SMAD2: variants seen among roughly 807,000 people sequenced by gnomAD.
SMAD2 encodes the protein MAD homolog 2.
Under a neutral mutation model 64.4 loss-of-function variants are expected in SMAD2, and 8 were observed. The ratio of observed to expected loss-of-function variants is 0.12; its 90% CI spans 0.07 to 0.22. The LOEUF is 0.22. Ranked by LOEUF, SMAD2 falls within the 10% of genes least tolerant of loss-of-function variation. The pLI is 1.00. For missense variants in SMAD2, 289 were observed against 561.2 expected (o/e 0.51, Z 4.90); for synonymous variants, 203 against 195.8 (o/e 1.04, Z -0.31).
At chr18:47,882,832 G>C (rs1218919834) in intron 2 of SMAD2, among the ~76,000 whole-genome samples, 1 of 152,174 alleles carries the variant, frequency 6.6e-6, no homozygotes, top group Non-Finnish European at 1.5e-5. Context: ...ATTTCTTCAT[G>C]CATCAGCTGG....
intron 1 of SMAD2, among the ~76,000 whole-genome samples, chr18:47,918,964 A>C (rs538686481): frequency 6.6e-6 from 1 of 152,274 alleles, no homozygotes; most frequent in African/African-American, 2.4e-5. Flanking sequence ...GAAAGATGGG[A>C]GTTTCTAGAT....
At chr18:47,855,210 G>A (rs1324113004) in intron 6 of SMAD2, among the ~76,000 whole-genome samples, 1 of 152,146 alleles carries the variant, frequency 6.6e-6, no homozygotes, top group Non-Finnish European at 1.5e-5. Context: ...ATTACTTGAG[G>A]ACCTGTTGTA....
rs1429218983 is a variant in SMAD2, at chr18:47,819,952, A to C, written c.*21875T>G. The C allele has an allele frequency of 6.6e-6, 1 of 152,154 alleles. No individual in the cohort carries two copies. Among genetic ancestry groups the C allele is most frequent in the Non-Finnish European group, 1.5e-5 (1 of 68,008 alleles). 9.4% of individuals were successfully genotyped at this position (152,154 alleles called of 1,614,324 possible). On this transcript the variant is annotated 3_prime_UTR_variant, in exon 11 of 11. Transcript: ENST00000262160. The stretch of plus-strand genomic sequence containing the variant: ...GGAGTTTGAGGCTGCAGTGTGCTAC[A>C]ATTGTGCCTGTGAACAGCCACTGAA...
intron 5 of SMAD2, among the ~76,000 whole-genome samples, chr18:47,866,503 CAAAGAACATAAA>C (rs569085531): frequency 7.9e-4 from 120 of 151,736 alleles, no homozygotes; most frequent in African/African-American, 1.8e-3. Flanking sequence ...TTCATATACT[CAAAGAACATAAA>C]AATAAGGGTA....
At chr18:47,903,876 T>TG (rs61222491) in intron 1 of SMAD2, among the ~76,000 whole-genome samples, 26,274 of 48,498 alleles carry the variant, frequency 0.54, 7,306 homozygotes, top group East Asian at 0.83. Context: ...AAAAACAGTG[T>TG]GGGGGGGGGG....
chr18:47,850,232 TTATATATTATATATTA>T (rs1216915754), intron 7 of SMAD2, among the ~76,000 whole-genome samples: 1 of 43,492 alleles, frequency 2.3e-5, no homozygotes, highest in Non-Finnish European at 3.9e-5. Context: ...ATAATATATA[TTATATATTATATATTA>T]TATATATTAT....
At position 47,826,903 on chromosome 18, in the gene SMAD2, T is replaced by G. The variant is rs1323610095; in HGVS notation, c.*14924A>C. ...GAATGATCTCTCAAGTGCTCTCATTTAGTTCTCATAACCACCCTAAAAACT... is the reference window on the plus strand; with the variant it reads ...GAATGATCTCTCAAGTGCTCTCATTGAGTTCTCATAACCACCCTAAAAACT... On this transcript the variant is annotated 3_prime_UTR_variant, in exon 11 of 11. Transcript: ENST00000262160. 6.6e-6 allele frequency: 1 copy of G among 152,260 alleles called. No homozygotes were observed. Among genetic ancestry groups the G allele is most frequent in the Non-Finnish European group, 1.5e-5 (1 of 68,052 alleles). The allele number at this position is 152,260 out of a possible 1,614,324, so 9.4% of individuals were successfully genotyped here.
Position 47,829,121 on chromosome 18 carries a change from G to A in SMAD2, c.*12706C>T, listed in dbSNP as rs1912890637. ...AGAAAAAGTTCAGGAGCCACCAGAG[G>A]ATGTTAAGGAGGCTTCCTAGAGAAG... On this transcript the variant is annotated 3_prime_UTR_variant, in exon 11 of 11. Coordinates refer to ENST00000262160, the MANE Select transcript of SMAD2 (RefSeq NM_005901.6). 1 of 152,042 alleles carries A rather than the reference G, an allele frequency of 6.6e-6. No individual in the cohort carries two copies. The highest frequency in any genetic ancestry group is 1.9e-4 in the East Asian group (1 of 5,190). 9.4% of individuals were successfully genotyped at this position (152,042 alleles called of 1,614,324 possible). A position where few individuals can be genotyped will look rare whatever the true frequency, so the allele number is the denominator to read the frequency against.
Position 47,828,301 on chromosome 18 carries a change from C to T in SMAD2, c.*13526G>A, listed in dbSNP as rs562556614. 509 of 153,304 alleles carry T rather than the reference C, an allele frequency of 3.3e-3. 1 individual carries two copies. Among genetic ancestry groups the T allele is most frequent in the Non-Finnish European group, 4.0e-3 (278 of 69,712 alleles). The allele number at this position is 153,304 out of a possible 1,614,324, so 9.5% of individuals were successfully genotyped here. A position where few individuals can be genotyped will look rare whatever the true frequency, so the allele number is the denominator to read the frequency against. On this transcript the variant is annotated 3_prime_UTR_variant, in exon 11 of 11. Transcript: ENST00000262160. ...GCAACCCCCGCCCGGCCAGCTGCCC[C>T]GTTCGGGAGGTGGGGGGCAGCCCCC... is the stretch of plus-strand genomic sequence containing the variant.
At position 47,868,420 on chromosome 18, in the gene SMAD2, G is replaced by A. The variant is rs1240164482; in HGVS notation, c.558C>T (p.Ile186=). 1.9e-6 allele frequency: 3 copies of A among 1,611,564 alleles called. No homozygotes were observed. Among genetic ancestry groups the A allele is most frequent in the African/African-American group, 2.7e-5 (2 of 74,838 alleles). ...PPVLVPRHTE[I]LTELPPLDDY... ...CATCCAGAGGCGGAAGTTCTGTTAG[G>A]ATCTCGGTGTGTCGGGGCACTAATA... Residue 186 remains isoleucine (I), a synonymous_variant, in exon 5 of 11, where the codon ATC becomes ATT. Coordinates refer to ENST00000262160, the MANE Select transcript of SMAD2 (RefSeq NM_005901.6).
At chr18:47,873,952 TAC>T (rs2032103083) in intron 2 of SMAD2, among the ~76,000 whole-genome samples, 1 of 151,868 alleles carries the variant, frequency 6.6e-6, no homozygotes, top group Non-Finnish European at 1.5e-5. Context: ...AGAAGGAAGA[TAC>T]CCTGTAAAGA....
Position 47,819,104 on chromosome 18 carries a change from A to C in SMAD2, c.*22723T>G, listed in dbSNP as rs1211125332. 2 of 152,254 alleles carry C rather than the reference A, an allele frequency of 1.3e-5. No homozygotes were observed. The highest frequency in any genetic ancestry group is 2.9e-5 in the Non-Finnish European group (2 of 68,038). The allele number at this position is 152,254 out of a possible 1,614,324, so 9.4% of individuals were successfully genotyped here. ...ATCAAATAAATGAGTGCTAATACAAAATATATAGTAATTAACACAAGTGCC... is the reference window on the plus strand; with the variant it reads ...ATCAAATAAATGAGTGCTAATACAACATATATAGTAATTAACACAAGTGCC... On this transcript the variant is annotated 3_prime_UTR_variant, in exon 11 of 11. Transcript: ENST00000262160.
At chr18:47,885,472 T>C (rs1361996975) in intron 2 of SMAD2, among the ~76,000 whole-genome samples, 1 of 152,090 alleles carries the variant, frequency 6.6e-6, no homozygotes, top group Non-Finnish European at 1.5e-5. Context: ...CTGGCCAATA[T>C]ATACTGTTTT....
rs374257577 is a variant in SMAD2, at chr18:47,818,121, A to G, written c.*23706T>C. The G allele has an allele frequency of 1.6e-4, 25 of 152,268 alleles. 1 individual carries two copies. In the East Asian group the frequency reaches 4.8e-3, roughly 29 times the overall value. 9.4% of individuals were successfully genotyped at this position (152,268 alleles called of 1,614,324 possible). On this transcript the variant is annotated 3_prime_UTR_variant, in exon 11 of 11. Coordinates refer to ENST00000262160, the MANE Select transcript of SMAD2 (RefSeq NM_005901.6). ...CCAAGAGACTGCAGCTATAGAGTTG[A>G]TATGTAGAGTCTTCTAAGCTCTCTA...
At chr18:47,867,653 T>A in intron 5 of SMAD2, among the ~76,000 whole-genome samples, 1 of 145,542 alleles carries the variant, frequency 6.9e-6, no homozygotes. Context: ...TATTAGTTGT[T>A]CTCCAAAAAA....
intron 2 of SMAD2, among the ~76,000 whole-genome samples, chr18:47,885,697 C>T (rs1274155525): frequency 6.6e-6 from 1 of 152,116 alleles, no homozygotes; most frequent in African/African-American, 2.4e-5. Flanking sequence ...CATGGTGACT[C>T]ACGCTTGTAA....
At chr18:47,878,823 T>C (rs956405663) in intron 2 of SMAD2, among the ~76,000 whole-genome samples, 1 of 152,212 alleles carries the variant, frequency 6.6e-6, no homozygotes, top group Admixed American at 6.5e-5. Flanking sequence ...CCCTACACAT[T>C]GATCAGCTAA....
intron 2 of SMAD2, among the ~76,000 whole-genome samples, chr18:47,879,115 CCT>C (rs1345208255): frequency 6.6e-6 from 1 of 152,124 alleles, no homozygotes; most frequent in Non-Finnish European, 1.5e-5. Context: ...AGAGCTAGAC[CCT>C]GTCTCAGAGA....
chr18:47,880,048 C>A (rs574654155), intron 2 of SMAD2, among the ~76,000 whole-genome samples: 2 of 152,270 alleles, frequency 1.3e-5, no homozygotes, highest in Admixed American at 6.5e-5. Context: ...TTATAGAAAT[C>A]TTTATAAATT....
Sources: gnomAD v4.1 joint callset for allele counts (sites outside exome capture counted in the v4.1 genomes callset) on GRCh38, gnomAD v4.1.1 for gene constraint, MANE v1.5 for transcripts, NCBI Gene and HGNC (gene_info 2026-07-23, HGNC 2026-07-21) for gene names.